The following RORA variants were observed in gnomAD, a reference collection of about 807,000 sequenced individuals.
RORA encodes the protein RAR related orphan receptor A.
In RORA, 7 loss-of-function variants were observed where a neutral mutation model predicts 69.5. The observed-to-expected ratio is 0.10, with a 90% CI of 0.06 to 0.19. RORA has a LOEUF of 0.19. RORA is among the 10% of genes least tolerant of loss of function. The pLI, the probability that RORA is intolerant of heterozygous loss-of-function variation, is 1.00. For missense variants in RORA, 457 were observed against 663.0 expected (o/e 0.69, Z 3.41); for synonymous variants, 261 against 240.8 (o/e 1.08, Z -0.78).
chr15:60,736,851 A>G (rs925142635), intron 1 of RORA: 1 of 152,182 alleles, frequency 6.6e-6, no homozygotes, highest in Non-Finnish European at 1.5e-5. Context: ...TAGTACTTCG[A>G]TAGGAGAATA....
At chr15:60,554,221 A>AT (rs2067298709) in intron 2 of RORA, among the ~76,000 whole-genome samples, 1 of 152,208 alleles carries the variant, frequency 6.6e-6, no homozygotes, top group African/African-American at 2.4e-5. Flanking sequence ...ACATATAGCT[A>AT]TGACAGGGCC....
At chr15:61,079,221 C>T (rs988336364) in intron 1 of RORA, among the ~76,000 whole-genome samples, 3 of 152,118 alleles carry the variant, frequency 2.0e-5, no homozygotes, top group South Asian at 4.1e-4. Flanking sequence ...AGAAATGATG[C>T]CACCAATTCA....
At chr15:60,539,593 T>C (rs2066794374) in intron 2 of RORA, among the ~76,000 whole-genome samples, 1 of 152,190 alleles carries the variant, frequency 6.6e-6, no homozygotes, top group Admixed American at 6.5e-5. Flanking sequence ...AGTTTAAACC[T>C]TGAGTGAAAG....
At chr15:61,119,404 T>C (rs201120624) in intron 1 of RORA, among the ~76,000 whole-genome samples, 5 of 106,690 alleles carry the variant, frequency 4.7e-5, no homozygotes, top group African/African-American at 1.2e-4. Context: ...TATATATATA[T>C]ATACACACAC....
chr15:61,215,031 A>AGTTTT (rs1491564825), intron 1 of RORA, among the ~76,000 whole-genome samples: 11 of 80,622 alleles, frequency 1.4e-4, no homozygotes, highest in Non-Finnish European at 1.8e-4. Flanking sequence ...CGCCCAGCTA[A>AGTTTT]TTTTTTTTTT....
chr15:60,502,721 G>C (rs1181483963), intron 8 of RORA, 39 bp downstream of exon 8: 1 of 1,224,144 alleles, frequency 8.2e-7, no homozygotes, highest in Non-Finnish European at 1.2e-6. Context: ...TTTTCCTATA[G>C]CCCTGATTTG....
chr15:60,612,417 G>A (rs2069112712), intron 2 of RORA, among the ~76,000 whole-genome samples: 2 of 152,028 alleles, frequency 1.3e-5, no homozygotes, highest in Admixed American at 1.3e-4. Flanking sequence ...ACTAACCCCG[G>A]GCAGAAACTA....
rs372439725 is a variant in RORA, at chr15:60,818,840, C to T, written c.167-140154G>A. 2.6e-5 allele frequency among the ~76,000 whole-genome samples: 4 copies of T among 152,298 alleles called. No individual in the cohort carries two copies. In the East Asian group the frequency reaches 5.8e-4, roughly 22 times the overall value. ...GAGCCCTGTGTACATAAGCCCAGCA[C>T]GAAACTTGCTATTTCCTTGTCACAG... is the stretch of plus-strand genomic sequence containing the variant. On this transcript the variant is annotated intron_variant, in intron 1 of 10. Coordinates refer to ENST00000335670, the MANE Select transcript of RORA (RefSeq NM_134261.3).
intron 1 of RORA, among the ~76,000 whole-genome samples, chr15:61,062,172 A>G (rs2078195903): frequency 6.6e-6 from 1 of 152,220 alleles, no homozygotes; most frequent in Non-Finnish European, 1.5e-5. Context: ...AATGCCTGAC[A>G]GTGCTTTCAA....
intron 2 of RORA, among the ~76,000 whole-genome samples, chr15:60,626,574 T>C (rs965614931): frequency 1.3e-5 from 2 of 152,134 alleles, no homozygotes; most frequent in Admixed American, 1.3e-4. Context: ...GCTCAGTGCT[T>C]TGCGTGGATT....
intron 1 of RORA, among the ~76,000 whole-genome samples, chr15:61,087,354 T>C (rs2078640389): frequency 6.6e-6 from 1 of 152,226 alleles, no homozygotes. Context: ...GTTGGATCAA[T>C]CCTGTCAAGC....
intron 1 of RORA, among the ~76,000 whole-genome samples, chr15:60,715,021 C>T (rs2071201657): frequency 6.6e-6 from 1 of 152,254 alleles, no homozygotes; most frequent in Admixed American, 6.5e-5. Context: ...TTCATCTCAC[C>T]AAGCTAACTC....
chr15:60,790,300 T>C (rs1055473773), intron 1 of RORA, among the ~76,000 whole-genome samples: 1 of 152,234 alleles, frequency 6.6e-6, no homozygotes, highest in African/African-American at 2.4e-5. Flanking sequence ...TTTAAATGTG[T>C]CCACTCACAA....
At position 61,216,847 on chromosome 15, in the gene RORA, A is replaced by C. The variant is rs377193527; in HGVS notation, c.166+12206T>G. ...ATTTACCTAAGGTCACACGGCTAGC[A>C]CAGCACACACCTGGGTCTTGGCCCA... On this transcript the variant is annotated intron_variant, in intron 1 of 10. Coordinates refer to ENST00000335670, the MANE Select transcript of RORA (RefSeq NM_134261.3). Among the ~76,000 whole-genome samples the C allele has an allele frequency of 9.9e-5, 15 of 152,222 alleles. No homozygotes were observed. The East Asian group carries it at 2.5e-3, about 25-fold the overall frequency.
chr15:60,874,453 T>C (rs2073592059), intron 1 of RORA, among the ~76,000 whole-genome samples: 1 of 152,204 alleles, frequency 6.6e-6, no homozygotes, highest in Non-Finnish European at 1.5e-5. Context: ...GTAAATACTT[T>C]TAGTTTTGTG....
At chr15:61,089,750 C>T (rs561817893) in intron 1 of RORA, among the ~76,000 whole-genome samples, 29 of 152,278 alleles carry the variant, frequency 1.9e-4, no homozygotes, top group Admixed American at 1.5e-3. Context: ...AAACCATCAC[C>T]GTAGGCTCTG....
At chr15:60,725,511 A>C (rs2071345501) in intron 1 of RORA, among the ~76,000 whole-genome samples, 1 of 152,228 alleles carries the variant, frequency 6.6e-6, no homozygotes, top group African/African-American at 2.4e-5. Flanking sequence ...AATAAGTAAT[A>C]ATCACATTAT....
intron 2 of RORA, among the ~76,000 whole-genome samples, chr15:60,631,697 ATATGTG>A (rs1054164336): frequency 6.6e-6 from 1 of 152,248 alleles, no homozygotes; most frequent in Non-Finnish European, 1.5e-5. Flanking sequence ...GAAACAAAGA[ATATGTG>A]TGCTGTCCGC....
intron 1 of RORA, among the ~76,000 whole-genome samples, chr15:60,917,029 G>A (rs911176374): frequency 1.3e-5 from 2 of 152,194 alleles, no homozygotes; most frequent in African/African-American, 4.8e-5. Flanking sequence ...ATCAAGCCTT[G>A]AAGAAGTATC....
Sources: allele counts gnomAD v4.1 joint callset (sites outside exome capture counted in the v4.1 genomes callset), GRCh38; gene constraint gnomAD v4.1.1; transcripts MANE v1.5; gene names NCBI Gene and HGNC (gene_info 2026-07-23, HGNC 2026-07-21).